SYNE1: variants seen among roughly 807,000 people sequenced by gnomAD.
The protein encoded by SYNE1 is spectrin repeat containing nuclear envelope protein 1, also known as nesprin-1.
In SYNE1, 616 loss-of-function variants were observed where a neutral mutation model predicts 1,111.0. The ratio of observed to expected loss-of-function variants is 0.55; its 90% CI spans 0.52 to 0.59. The LOEUF (loss-of-function observed/expected upper bound fraction) is 0.59, where lower values mean the gene tolerates loss of function less well. Ranked by LOEUF, SYNE1 falls within the 20% of genes least tolerant of loss-of-function variation. The pLI is 0.00. For missense variants in SYNE1, 10,006 were observed against 10,417.0 expected (o/e 0.96, Z 1.72); for synonymous variants, 3,855 against 3,825.8 (o/e 1.01, Z -0.28).
rs760439015 is a variant in SYNE1 at position 152,215,011 on chromosome 6, T to G, written c.22241A>C (p.Asn7414Thr). 6.2e-7 allele frequency: 1 copy of G among 1,614,126 alleles called. No homozygotes were observed. Among genetic ancestry groups the G allele is most frequent in the Non-Finnish European group, 8.5e-7 (1 of 1,179,980 alleles). Residue 7414 changes from asparagine (N) to threonine (T), a missense_variant, in exon 122 of 146, where the codon AAT (asparagine) becomes ACT (threonine). Asn to Thr is a moderately conservative substitution (Grantham distance 65, BLOSUM62 0). This residue lies in a region of SYNE1 where 2,182 missense variants were observed against 2,287.8 expected (regional missense o/e 0.95). Transcript: ENST00000367255. ...CAAGGGTAACCTATATCCAAGCTCA[T>G]TTAGACGGTCTAAATCTGGAGCCAT... ...SSMAPDLDRL[N>T]ELGYRLPLND... is the part of the protein sequence containing the mutation.
At position 152,220,782 on chromosome 6, in the gene SYNE1, G is replaced by A. The variant is rs141012330; in HGVS notation, c.21861+60C>T. ...ATACCAAAGCTTACACAGACCAAAA[G>A]CTAAACTTGGGCAGTCTAAGAAGGG... On this transcript the variant is annotated intron_variant, in intron 119 of 145. Transcript: ENST00000367255. 478 of 1,494,044 alleles carry A rather than the reference G, an allele frequency of 3.2e-4. No individual in the cohort carries two copies. The African/African-American group carries it at 5.7e-3, about 18-fold the overall frequency. 92.5% of individuals were successfully genotyped at this position (1,494,044 alleles called of 1,614,324 possible).
At chr6:152,623,199 A>G (rs551876216) in intron 3 of SYNE1, among the ~76,000 whole-genome samples, 1 of 152,284 alleles carries the variant, frequency 6.6e-6, no homozygotes, top group African/African-American at 2.4e-5. Context: ...AAGACCACAT[A>G]GCAACAAACA....
At chr6:152,333,199 T>C (rs2096288895) in intron 77 of SYNE1, among the ~76,000 whole-genome samples, 2 of 152,148 alleles carry the variant, frequency 1.3e-5, no homozygotes, top group African/African-American at 4.8e-5. Context: ...AGTATGTGTG[T>C]GTGTGTTCTT....
At chr6:152,479,128 A>T (rs1322779584) in intron 14 of SYNE1, among the ~76,000 whole-genome samples, 1 of 152,160 alleles carries the variant, frequency 6.6e-6, no homozygotes, top group Non-Finnish European at 1.5e-5. Flanking sequence ...TTTACTGGTG[A>T]TGAGCATTCT....
chr6:152,428,938 T>C (rs1726417789), intron 36 of SYNE1, among the ~76,000 whole-genome samples: 1 of 152,046 alleles, frequency 6.6e-6, no homozygotes, highest in South Asian at 2.1e-4. Flanking sequence ...TTTAGGTAAC[T>C]TGTGAAGATT....
intron 126 of SYNE1, 146 bp downstream of exon 126, chr6:152,206,022 A>C: frequency 6.5e-6 from 6 of 925,822 alleles, no homozygotes; most frequent in Non-Finnish European, 9.9e-6. Flanking sequence ...GATAAGACAA[A>C]GTCTTAAATA....
chr6:152,482,930 A>G lies in SYNE1; in HGVS notation c.1350+155T>C, dbSNP rs142903074. Reference sequence around the variant, plus strand: ...CGTCATTAACCAGTGTAAGAAAGAAACAATCAAATTAGAGAACTCTAAGAA... The same window carrying G: ...CGTCATTAACCAGTGTAAGAAAGAAGCAATCAAATTAGAGAACTCTAAGAA... On this transcript the variant is annotated intron_variant, in intron 14 of 145. Coordinates refer to ENST00000367255, the MANE Select transcript of SYNE1 (RefSeq NM_182961.4). Among the ~76,000 whole-genome samples the G allele has an allele frequency of 1.9e-3, 292 of 152,364 alleles. 1 individual carries two copies. The highest frequency in any genetic ancestry group is 6.7e-3 in the African/African-American group (280 of 41,584).
chr6:152,496,996 C>T (rs943446636), intron 11 of SYNE1, among the ~76,000 whole-genome samples: 2 of 152,016 alleles, frequency 1.3e-5, no homozygotes, highest in African/African-American at 2.4e-5. Flanking sequence ...AGAGAAAAAA[C>T]CCCTTTGACT....
chr6:152,605,029 A>AGGGAGG (rs1377874722), intron 3 of SYNE1, among the ~76,000 whole-genome samples: 2 of 52,986 alleles, frequency 3.8e-5, no homozygotes, highest in African/African-American at 1.1e-4. Context: ...AGAGAGAGAG[A>AGGGAGG]GAGAGAGGGA....
At chr6:152,266,540 AACAG>A (rs1054612814) in intron 100 of SYNE1, among the ~76,000 whole-genome samples, 17 of 152,204 alleles carry the variant, frequency 1.1e-4, no homozygotes, top group African/African-American at 3.9e-4. Flanking sequence ...CATGATACAC[AACAG>A]ACAGTTTTTA....
At chr6:152,484,756 A>G in intron 13 of SYNE1, 79 bp downstream of exon 13, 1 of 1,491,450 alleles carries the variant, frequency 6.7e-7, no homozygotes, top group Non-Finnish European at 9.3e-7. Flanking sequence ...TTGCCATACC[A>G]CTGTGTAGAA....
chr6:152,362,443 G>T (rs558945560), intron 63 of SYNE1, 120 bp from the exon 64 acceptor site: 9 of 1,377,598 alleles, frequency 6.5e-6, no homozygotes, highest in Non-Finnish European at 9.1e-6. Flanking sequence ...GAAGAAGCTT[G>T]CTTGGGAGTG....
intron 4 of SYNE1, among the ~76,000 whole-genome samples, chr6:152,537,863 A>T (rs1197964777): frequency 6.6e-6 from 1 of 152,218 alleles, no homozygotes; most frequent in Non-Finnish European, 1.5e-5. Flanking sequence ...TTTCTTCTCA[A>T]CTAAACATCC....
rs1284466340 is a variant in SYNE1, at chr6:152,540,011, C to T, written c.78G>A (p.Glu26=). The T allele has an allele frequency of 6.2e-7, 1 of 1,613,822 alleles. No homozygotes were observed. The highest frequency in any genetic ancestry group is 1.1e-5 in the South Asian group (1 of 91,064). The part of the protein sequence containing the change: ...NVMQRLQDEQ[E]IVQKRTFTKW... ...TTGTGAAAGTTCGTTTTTGTACTAT[C>T]TCTTGCTCATCTAGAAGGAAAAAGA... Residue 26 remains glutamate, a synonymous_variant, in exon 4 of 146, where the codon GAG becomes GAA. Coordinates refer to ENST00000367255, the MANE Select transcript of SYNE1 (RefSeq NM_182961.4).
At chr6:152,604,657 G>A (rs944469307) in intron 3 of SYNE1, among the ~76,000 whole-genome samples, 4 of 151,750 alleles carry the variant, frequency 2.6e-5, no homozygotes, top group Non-Finnish European at 2.9e-5. Flanking sequence ...TAATTTTTGG[G>A]GGCAGGGCAC....
chr6:152,496,905 A>AC (rs2099002551), intron 11 of SYNE1, among the ~76,000 whole-genome samples: 1 of 152,058 alleles, frequency 6.6e-6, no homozygotes, highest in African/African-American at 2.4e-5. Context: ...TGGTCAAGTG[A>AC]CCTTGTGAAA....
chr6:152,375,494 G>A (rs1460439382), intron 58 of SYNE1, among the ~76,000 whole-genome samples: 10 of 152,066 alleles, frequency 6.6e-5, no homozygotes, highest in Non-Finnish European at 2.9e-5. Flanking sequence ...ATACAGGTAC[G>A]AAAAGCAATT....
intron 84 of SYNE1, among the ~76,000 whole-genome samples, chr6:152,319,490 G>A (rs1032166146): frequency 6.6e-6 from 1 of 151,986 alleles, no homozygotes; most frequent in Non-Finnish European, 1.5e-5. Context: ...GTAACTTTCC[G>A]ACTACAGCTC....
intron 77 of SYNE1, among the ~76,000 whole-genome samples, chr6:152,332,606 T>A (rs547084125): frequency 8.6e-4 from 131 of 152,154 alleles, no homozygotes; most frequent in Non-Finnish European, 1.6e-3. Context: ...AATTAATAAG[T>A]GATGCATGAT....
Sources: allele counts gnomAD v4.1 joint callset (sites outside exome capture counted in the v4.1 genomes callset), GRCh38; gene constraint gnomAD v4.1.1; regional missense constraint gnomAD v4.1.1; transcripts MANE v1.5; gene names NCBI Gene and HGNC (gene_info 2026-07-23, HGNC 2026-07-21).